The following NBEA variants were observed in gnomAD, a reference collection of about 807,000 sequenced individuals.
NBEA encodes the protein neurobeachin.
Under a neutral mutation model 343.4 loss-of-function variants are expected in NBEA, and 44 were observed. That is an observed-to-expected ratio of 0.13 (90% CI 0.10 to 0.16). NBEA has a LOEUF of 0.16. Among genes scored for constraint, NBEA ranks in the 10% least tolerant of loss-of-function variants. The probability of loss-of-function intolerance (pLI) is 1.00; values close to 1 mark genes in which losing one functional copy is unlikely to be tolerated. For missense variants in NBEA, 2,555 were observed against 3,631.3 expected, an observed-to-expected ratio of 0.70 and a Z score of 7.62; for synonymous variants, 1,175 against 1,238.7, an observed-to-expected ratio of 0.95 and a Z score of 1.08.
intron 8 of NBEA, among the ~76,000 whole-genome samples, chr13:35,061,623 C>T (rs952523413): frequency 3.3e-5 from 5 of 151,644 alleles, no homozygotes; most frequent in Non-Finnish European, 7.4e-5. Flanking sequence ...TTCTCTCCTT[C>T]ATTTATGAAT....
chr13:35,442,343 A>G (rs2045786908), intron 39 of NBEA, among the ~76,000 whole-genome samples: 1 of 152,134 alleles, frequency 6.6e-6, no homozygotes, highest in South Asian at 2.1e-4. Context: ...TTTTACAAGT[A>G]AAATGTGCCC....
At chr13:35,253,433 G>A (rs1479055032) in intron 34 of NBEA, among the ~76,000 whole-genome samples, 5 of 152,184 alleles carry the variant, frequency 3.3e-5, no homozygotes, top group Non-Finnish European at 4.4e-5. Context: ...GTAGATTATA[G>A]TATAGTGTAA....
At chr13:35,283,987 GACACACACACACACAC>G (rs34465386) in intron 34 of NBEA, among the ~76,000 whole-genome samples, 381 of 140,966 alleles carry the variant, frequency 2.7e-3, no homozygotes, top group African/African-American at 9.5e-3. Context: ...TGTGTACACA[GACACACACACACACAC>G]ACACACACAC....
intron 17 of NBEA, among the ~76,000 whole-genome samples, chr13:35,124,254 T>G (rs1223417047): frequency 1.7e-5 from 2 of 115,702 alleles, no homozygotes; most frequent in Non-Finnish European, 3.7e-5. Flanking sequence ...TTCGCCCTTG[T>G]TTTTTTTTTT....
intron 33 of NBEA, among the ~76,000 whole-genome samples, chr13:35,218,227 G>A (rs1261045769): frequency 6.6e-6 from 1 of 151,906 alleles, no homozygotes; most frequent in Non-Finnish European, 1.5e-5. Context: ...AGCATGGAAG[G>A]TAATTTTAGA....
chr13:35,313,531 G>T lies in NBEA; in HGVS notation c.5903+3939G>T, dbSNP rs146187306. ...GGTCAAAAAGAGGATTTTTAAGTTA[G>T]TACTAAAGGGACCACTGGGTTCAGC... On this transcript the variant is annotated intron_variant, in intron 36 of 58. Transcript: ENST00000379939. Among the ~76,000 whole-genome samples the T allele has an allele frequency of 4.7e-3, 712 of 152,270 alleles. 8 individuals carry two copies. The highest frequency in any genetic ancestry group is 0.016 in the African/African-American group (667 of 41,554).
At chr13:35,361,061 ATAAT>A (rs1347357991) in intron 38 of NBEA, among the ~76,000 whole-genome samples, 1 of 152,072 alleles carries the variant, frequency 6.6e-6, no homozygotes, top group Non-Finnish European at 1.5e-5. Context: ...TAGACACATC[ATAAT>A]TAATCTTCTG....
intron 34 of NBEA, among the ~76,000 whole-genome samples, chr13:35,269,624 A>G (rs934527342): frequency 6.6e-6 from 1 of 152,192 alleles, no homozygotes; most frequent in Non-Finnish European, 1.5e-5. Flanking sequence ...AGGGTGTAAA[A>G]TGTTTGAATA....
At chr13:35,089,423 A>C (rs2064951133) in intron 10 of NBEA, among the ~76,000 whole-genome samples, 2 of 136,736 alleles carry the variant, frequency 1.5e-5, no homozygotes, top group Admixed American at 1.5e-4. Flanking sequence ...GGTGCTGGAG[A>C]GGATGTGGAG....
intron 40 of NBEA, among the ~76,000 whole-genome samples, chr13:35,457,887 G>A (rs1474043362): frequency 2.0e-5 from 3 of 151,158 alleles, no homozygotes; most frequent in Non-Finnish European, 3.0e-5. Context: ...GATCACAGGC[G>A]TGAGCCACCG....
chr13:35,293,374 T>C (rs1031646459), intron 35 of NBEA, among the ~76,000 whole-genome samples: 1 of 152,074 alleles, frequency 6.6e-6, no homozygotes, highest in Admixed American at 6.6e-5. Context: ...TCTGGATTTT[T>C]TTCTGATATA....
Position 35,341,405 on chromosome 13 carries a change from A to G in NBEA, c.5904-7703A>G, listed in dbSNP as rs9573651. Among the ~76,000 whole-genome samples the G allele has an allele frequency of 1.1e-3, 163 of 152,228 alleles. No homozygotes were observed. The East Asian group carries it at 0.02, about 19-fold the overall frequency. On this transcript the variant is annotated intron_variant, in intron 36 of 58. Coordinates refer to ENST00000379939, the MANE Select transcript of NBEA (RefSeq NM_001385012.1). Reference sequence around the variant, plus strand: ...AAAAAGTAGATTGATAGTCATCAAAATTTAAAACTTGTGTGTCAAAAGACA... The same window carrying G: ...AAAAAGTAGATTGATAGTCATCAAAGTTTAAAACTTGTGTGTCAAAAGACA...
chr13:34,984,192 C>T (rs1375729452), intron 1 of NBEA, among the ~76,000 whole-genome samples: 1 of 151,968 alleles, frequency 6.6e-6, no homozygotes, highest in African/African-American at 2.4e-5. Flanking sequence ...GTCTTTAATC[C>T]ATCTTGAATT....
intron 41 of NBEA, among the ~76,000 whole-genome samples, chr13:35,501,392 TA>T (rs1160473760): frequency 1.3e-5 from 2 of 152,152 alleles, no homozygotes; most frequent in Non-Finnish European, 1.5e-5. Flanking sequence ...GATTTTCAAT[TA>T]AAAAATTATT....
At chr13:35,041,996 A>G (rs1164256724) in intron 2 of NBEA, among the ~76,000 whole-genome samples, 2 of 151,994 alleles carry the variant, frequency 1.3e-5, no homozygotes, top group Non-Finnish European at 2.9e-5. Flanking sequence ...TACCCTCCAC[A>G]GTATTATACC....
Position 35,156,071 on chromosome 13 carries a change from C to A in NBEA, c.2528-12C>A, listed in dbSNP as rs1344654695. The A allele has an allele frequency of 2.6e-6, 4 of 1,560,948 alleles. No individual in the cohort carries two copies. The South Asian group carries it at 4.9e-5, about 19-fold the overall frequency. The stretch of plus-strand genomic sequence containing the variant: ...GGTTACAAATCTACAAGTTTTTTTT[C>A]TTTGTTTACAGTGATTCTTAAAGTG... On this transcript the variant is annotated splice_polypyrimidine_tract_variant and intron_variant, in intron 19 of 58. Coordinates refer to ENST00000379939, the MANE Select transcript of NBEA (RefSeq NM_001385012.1).
chr13:35,295,124 A>T (rs1444151277), intron 35 of NBEA, among the ~76,000 whole-genome samples: 1 of 148,162 alleles, frequency 6.7e-6, no homozygotes, highest in African/African-American at 2.4e-5. Flanking sequence ...TATTTAATAT[A>T]TAAATATAAT....
chr13:35,119,007 G>A (rs1391536898), intron 16 of NBEA, among the ~76,000 whole-genome samples: 1 of 152,062 alleles, frequency 6.6e-6, no homozygotes. Context: ...TATCAGCAGG[G>A]AGATTATTTT....
chr13:35,397,655 A>G (rs922942841), intron 38 of NBEA, among the ~76,000 whole-genome samples: 3 of 152,166 alleles, frequency 2.0e-5, no homozygotes, highest in Admixed American at 1.3e-4. Flanking sequence ...CCAGACCACT[A>G]CAATACAGTG....
Sources: allele counts gnomAD v4.1 joint callset (sites outside exome capture counted in the v4.1 genomes callset), GRCh38; gene constraint gnomAD v4.1.1; transcripts MANE v1.5; gene names NCBI Gene and HGNC (gene_info 2026-07-23, HGNC 2026-07-21).